EPHA6: variants seen among roughly 807,000 people sequenced by gnomAD.
EPHA6 encodes the protein EPH receptor A6, also known as ephrin type-A receptor 6.
A neutral mutation model predicts 112.0 loss-of-function variants in EPHA6; 50 were observed. That is an observed-to-expected ratio of 0.45 (90% CI 0.36 to 0.56). The LOEUF (loss-of-function observed/expected upper bound fraction) is 0.56, where lower values mean the gene tolerates loss of function less well. EPHA6 is among the 20% of genes least tolerant of loss of function. The pLI, the probability that EPHA6 is intolerant of heterozygous loss-of-function variation, is 0.00. For missense variants in EPHA6, 1,280 were observed against 1,417.4 expected (o/e 0.90, Z 1.56); for synonymous variants, 529 against 490.7 (o/e 1.08, Z -1.03).
chr3:97,536,224 C>G (rs1375649850), intron 11 of EPHA6, among the ~76,000 whole-genome samples: 1 of 151,954 alleles, frequency 6.6e-6, no homozygotes, highest in Non-Finnish European at 1.5e-5. Flanking sequence ...ACTATATAAC[C>G]AACAGAGAAA....
At chr3:97,252,649 G>A (rs939123547) in intron 5 of EPHA6, among the ~76,000 whole-genome samples, 1 of 152,302 alleles carries the variant, frequency 6.6e-6, no homozygotes, top group South Asian at 2.1e-4. Context: ...ATGGCTAAGA[G>A]TGGGGGAGTG....
chr3:97,672,723 T>C (rs1382662648), intron 14 of EPHA6, among the ~76,000 whole-genome samples: 1 of 152,108 alleles, frequency 6.6e-6, no homozygotes, highest in African/African-American at 2.4e-5. Context: ...TTTGAACATA[T>C]TGGAATGAGT....
At chr3:96,819,456 C>T (rs916697886) in intron 1 of EPHA6, among the ~76,000 whole-genome samples, 1 of 152,008 alleles carries the variant, frequency 6.6e-6, no homozygotes, top group African/African-American at 2.4e-5. Flanking sequence ...TCTCTCCCAC[C>T]TCACATACAC....
At chr3:96,946,338 C>T (rs1018124185) in intron 2 of EPHA6, among the ~76,000 whole-genome samples, 1 of 151,426 alleles carries the variant, frequency 6.6e-6, no homozygotes, top group Non-Finnish European at 1.5e-5. Flanking sequence ...CCCCACCCCA[C>T]GACAGGCCCC....
At chr3:97,600,705 A>T (rs2093636170) in intron 12 of EPHA6, among the ~76,000 whole-genome samples, 1 of 152,040 alleles carries the variant, frequency 6.6e-6, no homozygotes, top group Non-Finnish European at 1.5e-5. Context: ...AAGTTTGCAC[A>T]CAAAGAACCC....
At chr3:96,955,597 G>T (rs1206145878) in intron 2 of EPHA6, among the ~76,000 whole-genome samples, 2 of 152,070 alleles carry the variant, frequency 1.3e-5, no homozygotes, top group Non-Finnish European at 2.9e-5. Context: ...CAAAAAATAT[G>T]TTATAAAAAA....
chr3:97,028,378 GTAA>G (rs1342262890), intron 3 of EPHA6, among the ~76,000 whole-genome samples: 1 of 152,082 alleles, frequency 6.6e-6, no homozygotes, highest in African/African-American at 2.4e-5. Flanking sequence ...TATAGTAGCT[GTAA>G]TAATAGGAGC....
At chr3:97,105,830 G>A (rs2047551145) in intron 3 of EPHA6, among the ~76,000 whole-genome samples, 1 of 152,134 alleles carries the variant, frequency 6.6e-6, no homozygotes, top group African/African-American at 2.4e-5. Flanking sequence ...ATGAATCTGG[G>A]TGCTTCTGTG....
At chr3:97,072,667 A>G (rs2046396758) in intron 3 of EPHA6, among the ~76,000 whole-genome samples, 1 of 152,130 alleles carries the variant, frequency 6.6e-6, no homozygotes, top group South Asian at 2.1e-4. Flanking sequence ...TGAGCAATTT[A>G]AACATGTCCA....
intron 4 of EPHA6, among the ~76,000 whole-genome samples, chr3:97,230,612 T>A (rs1358691047): frequency 6.6e-6 from 1 of 152,152 alleles, no homozygotes; most frequent in Non-Finnish European, 1.5e-5. Context: ...GCTTCATAGT[T>A]CTTAGTTGAG....
At chr3:97,521,933 A>T (rs1289231771) in intron 10 of EPHA6, among the ~76,000 whole-genome samples, 1 of 147,336 alleles carries the variant, frequency 6.8e-6, no homozygotes, top group East Asian at 1.9e-4. Flanking sequence ...CAAAAAAAAA[A>T]AAAAAAAAAA....
intron 16 of EPHA6, among the ~76,000 whole-genome samples, chr3:97,745,813 G>C (rs997994665): frequency 7.2e-5 from 11 of 151,726 alleles, no homozygotes; most frequent in African/African-American, 2.7e-4. Context: ...ACTTTAGGGT[G>C]ACTTAAAGGA....
At chr3:97,643,632 C>T (rs1450583328) in intron 14 of EPHA6, among the ~76,000 whole-genome samples, 6 of 151,330 alleles carry the variant, frequency 4.0e-5, no homozygotes, top group South Asian at 2.1e-4. Context: ...AAAAAGCAGG[C>T]GTTGCAATCC....
chr3:97,715,505 A>G (rs377026612), intron 14 of EPHA6, among the ~76,000 whole-genome samples: 2 of 152,350 alleles, frequency 1.3e-5, no homozygotes. Flanking sequence ...AAGTCTACAG[A>G]CAGATTACTG....
intron 3 of EPHA6, among the ~76,000 whole-genome samples, chr3:97,078,907 C>T (rs1021565732): frequency 1.3e-5 from 2 of 152,074 alleles, no homozygotes; most frequent in African/African-American, 4.8e-5. Flanking sequence ...TAGAATGTTG[C>T]ATCAACTTAG....
intron 5 of EPHA6, among the ~76,000 whole-genome samples, chr3:97,252,391 A>G (rs1384091866): frequency 6.6e-6 from 1 of 152,174 alleles, no homozygotes; most frequent in East Asian, 1.9e-4. Flanking sequence ...CAAAGCAGAA[A>G]CAGCTACACA....
intron 11 of EPHA6, among the ~76,000 whole-genome samples, chr3:97,570,458 G>C (rs1377659707): frequency 6.6e-6 from 1 of 152,172 alleles, no homozygotes; most frequent in Non-Finnish European, 1.5e-5. Flanking sequence ...GGGGCTGGGC[G>C]CGGTGGCTCA....
intron 2 of EPHA6, among the ~76,000 whole-genome samples, chr3:96,935,326 A>G (rs954690155): frequency 6.6e-6 from 1 of 151,822 alleles, no homozygotes; most frequent in Non-Finnish European, 1.5e-5. Flanking sequence ...AGAATGATAT[A>G]TTATTCCAGG....
chr3:97,185,304 G>T (rs1229457376), intron 3 of EPHA6, among the ~76,000 whole-genome samples: 4 of 152,090 alleles, frequency 2.6e-5, no homozygotes, highest in Non-Finnish European at 5.9e-5. Context: ...GAAAATTTTT[G>T]CAATGTACTC....
Sources: allele counts gnomAD v4.1 joint callset (sites outside exome capture counted in the v4.1 genomes callset), GRCh38; gene constraint gnomAD v4.1.1; transcripts MANE v1.5; gene names NCBI Gene and HGNC (gene_info 2026-07-23, HGNC 2026-07-21).